Variants in SYNJ2BP observed in about 807,000 individuals in gnomAD.
SYNJ2BP encodes the protein synaptojanin-2-binding protein.
In SYNJ2BP, 10 loss-of-function variants were observed where a neutral mutation model predicts 16.9. That is an observed-to-expected ratio of 0.59 (90% CI 0.36 to 1.00). The LOEUF (loss-of-function observed/expected upper bound fraction) is 1.00, where lower values mean the gene tolerates loss of function less well. Ranked by LOEUF, SYNJ2BP falls within the 50% of genes least tolerant of loss-of-function variation. The pLI, the probability that SYNJ2BP is intolerant of heterozygous loss-of-function variation, is 0.01. For synonymous variants in SYNJ2BP, 54 were observed against 68.4 expected (o/e 0.79, Z 1.04); for missense variants, 162 against 186.7 (o/e 0.87, Z 0.77).
rs1887394406 is a variant in SYNJ2BP, at chr14:70,366,684, G to A, written c.*6307C>T. 1 of 152,150 alleles carries A rather than the reference G, an allele frequency of 6.6e-6. No individual in the cohort carries two copies. Among genetic ancestry groups the A allele is most frequent in the Non-Finnish European group, 1.5e-5 (1 of 68,018 alleles). 9.4% of individuals were successfully genotyped at this position (152,150 alleles called of 1,614,324 possible). A position where few individuals can be genotyped will look rare whatever the true frequency, so the allele number is the denominator to read the frequency against. On this transcript the variant is annotated 3_prime_UTR_variant, in exon 4 of 4. Coordinates refer to ENST00000256366, the MANE Select transcript of SYNJ2BP (RefSeq NM_018373.3). ...CCCTGGATAATAAATACAGTTTTAT[G>A]TCCGTGTGTCTTCTGTGTCTTCCAA...
intron 1 of SYNJ2BP, among the ~76,000 whole-genome samples, chr14:70,389,087 T>C (rs1160169434): frequency 6.6e-6 from 1 of 152,056 alleles, no homozygotes; most frequent in African/African-American, 2.4e-5. Context: ...GGATTACAGG[T>C]GTGAGCCACC....
intron 1 of SYNJ2BP, among the ~76,000 whole-genome samples, chr14:70,398,464 G>A (rs1195840401): frequency 6.6e-6 from 1 of 152,226 alleles, no homozygotes; most frequent in East Asian, 1.9e-4. Context: ...GCTTGTTGGT[G>A]CCCAAAGTCC....
intron 2 of SYNJ2BP, among the ~76,000 whole-genome samples, chr14:70,384,610 T>G (rs946244118): frequency 6.6e-6 from 1 of 151,894 alleles, no homozygotes; most frequent in South Asian, 2.1e-4. Context: ...TGGTGGGAGG[T>G]GACTGGATCA....
chr14:70,391,861 A>T (rs1887987580), intron 1 of SYNJ2BP, among the ~76,000 whole-genome samples: 2 of 152,248 alleles, frequency 1.3e-5, no homozygotes, highest in African/African-American at 4.8e-5. Context: ...TAAATGAACC[A>T]AACTATTTAA....
chr14:70,391,198 T>C lies in SYNJ2BP; in HGVS notation c.65-2592A>G, dbSNP rs937428581. 3.5e-4 allele frequency among the ~76,000 whole-genome samples: 54 copies of C among 152,184 alleles called. 1 individual carries two copies. Among genetic ancestry groups the C allele is most frequent in the African/African-American group, 1.2e-3 (50 of 41,442 alleles). ...CTGCAGCTAGATAATAGAAAGAATT[T>C]ATTCTCTAAAATAATATACATAATA... is the stretch of plus-strand genomic sequence containing the variant. On this transcript the variant is annotated intron_variant, in intron 1 of 3. Coordinates refer to ENST00000256366, the MANE Select transcript of SYNJ2BP (RefSeq NM_018373.3).
Position 70,369,548 on chromosome 14 carries a change from C to A in SYNJ2BP, c.*3443G>T, listed in dbSNP as rs1887472629. 6.6e-6 allele frequency: 1 copy of A among 152,212 alleles called. No homozygotes were observed. The highest frequency in any genetic ancestry group is 1.5e-5 in the Non-Finnish European group (1 of 68,028). 9.4% of individuals were successfully genotyped at this position (152,212 alleles called of 1,614,324 possible). Reference sequence around the variant, plus strand: ...ATTCTATTATTACCACCTACATAATCCTAGTCAAGTAATTTTTTCTCTCAT... The same window carrying A: ...ATTCTATTATTACCACCTACATAATACTAGTCAAGTAATTTTTTCTCTCAT... On this transcript the variant is annotated 3_prime_UTR_variant, in exon 4 of 4. Coordinates refer to ENST00000256366, the MANE Select transcript of SYNJ2BP (RefSeq NM_018373.3).
intron 1 of SYNJ2BP, among the ~76,000 whole-genome samples, chr14:70,400,580 A>G (rs1416391234): frequency 1.3e-5 from 2 of 152,166 alleles, no homozygotes; most frequent in African/African-American, 4.8e-5. Flanking sequence ...TTTAAGATTA[A>G]CCTTTACAAA....
At chr14:70,386,387 G>A (rs1338745526) in intron 2 of SYNJ2BP, among the ~76,000 whole-genome samples, 1 of 152,222 alleles carries the variant, frequency 6.6e-6, no homozygotes, top group Non-Finnish European at 1.5e-5. Context: ...GGACTGAAGA[G>A]AGGCAGAATA....
At chr14:70,407,956 A>T (rs901284861) in intron 1 of SYNJ2BP, among the ~76,000 whole-genome samples, 1 of 152,236 alleles carries the variant, frequency 6.6e-6, no homozygotes, top group Non-Finnish European at 1.5e-5. Context: ...CTGTGCCAAT[A>T]TAGTACCTAG....
chr14:70,401,473 T>TG lies in SYNJ2BP; in HGVS notation c.65-12868dup, dbSNP rs927301041. ...AAAGTAATATTTAGGCTATCTTTTG[T>TG]GGGGGGGAAAGGACTTTCTGCTTTT... On this transcript the variant is annotated intron_variant, in intron 1 of 3. Coordinates refer to ENST00000256366, the MANE Select transcript of SYNJ2BP (RefSeq NM_018373.3). Among the ~76,000 whole-genome samples, 15 of 147,702 alleles carry TG rather than the reference T, an allele frequency of 1.0e-4. No homozygotes were observed. The South Asian group carries it at 1.1e-3, about 11-fold the overall frequency.
At chr14:70,383,585 C>T (rs10132815) in intron 2 of SYNJ2BP, among the ~76,000 whole-genome samples, 115,309 of 152,132 alleles carry the variant, frequency 0.76, 43,849 homozygotes, top group East Asian at 0.93. Flanking sequence ...TGACCAGCTA[C>T]GTCACCCTTA....
intron 1 of SYNJ2BP, among the ~76,000 whole-genome samples, chr14:70,399,299 C>T (rs1030781307): frequency 7.2e-5 from 11 of 152,338 alleles, no homozygotes; most frequent in Admixed American, 2.6e-4. Flanking sequence ...GCGCCCATCT[C>T]GGCCTCGCCC....
intron 1 of SYNJ2BP, among the ~76,000 whole-genome samples, chr14:70,394,458 CTT>C (rs533858770): frequency 3.5e-4 from 47 of 133,250 alleles, no homozygotes; most frequent in Admixed American, 3.0e-4. Context: ...TGGGATTCAA[CTT>C]TTTTTTTTTT....
Position 70,372,017 on chromosome 14 carries a change from T to C in SYNJ2BP, c.*974A>G, listed in dbSNP as rs1483759566. 1 of 152,224 alleles carries C rather than the reference T, an allele frequency of 6.6e-6. No individual in the cohort carries two copies. The highest frequency in any genetic ancestry group is 1.9e-4 in the East Asian group (1 of 5,204). The allele number at this position is 152,224 out of a possible 1,614,324, so 9.4% of individuals were successfully genotyped here. On this transcript the variant is annotated 3_prime_UTR_variant, in exon 4 of 4. Transcript: ENST00000256366. ...GATTTACCTTTACACCTCAAAGTTT[T>C]TTAGATGTGAGCAGCGCTGGATTAT...
At position 70,417,029 on chromosome 14, in the gene SYNJ2BP, A is replaced by G. The variant is rs533473756; in HGVS notation, c.-66T>C. The G allele has an allele frequency of 2.9e-5, 46 of 1,611,850 alleles. No individual in the cohort carries two copies. Among genetic ancestry groups the G allele is most frequent in the South Asian group, 1.5e-4 (14 of 90,706 alleles). The stretch of plus-strand genomic sequence containing the variant: ...GTGCAGCACAGGTGAAGGTGAATCA[A>G]TCTCGGCGCTGCGCCCACAGCACAG... On this transcript the variant is annotated 5_prime_UTR_variant, in exon 1 of 4. Coordinates refer to ENST00000256366, the MANE Select transcript of SYNJ2BP (RefSeq NM_018373.3).
Position 70,380,473 on chromosome 14 carries a change from C to A in SYNJ2BP, c.202-4702G>T, listed in dbSNP as rs1380686416. ...GGTCAGGAGTTCGAGACCACCCTGA[C>A]CAACATGGTGAAACCCCGTCTCTAC... On this transcript the variant is annotated intron_variant, in intron 2 of 3. Coordinates refer to ENST00000256366, the MANE Select transcript of SYNJ2BP (RefSeq NM_018373.3). Among the ~76,000 whole-genome samples the A allele has an allele frequency of 2.6e-5, 4 of 151,922 alleles. No individual in the cohort carries two copies. The East Asian group carries it at 7.7e-4, about 29-fold the overall frequency.
chr14:70,397,773 C>T (rs1888134065), intron 1 of SYNJ2BP, among the ~76,000 whole-genome samples: 1 of 152,208 alleles, frequency 6.6e-6, no homozygotes, highest in Non-Finnish European at 1.5e-5. Flanking sequence ...AGGGGCATGT[C>T]TCAGCCCTGA....
intron 1 of SYNJ2BP, among the ~76,000 whole-genome samples, chr14:70,407,412 A>G (rs1315127366): frequency 6.7e-6 from 1 of 149,698 alleles, no homozygotes; most frequent in Non-Finnish European, 1.5e-5. Flanking sequence ...CCTGGGCAAC[A>G]GAGCGAGACT....
At position 70,372,972 on chromosome 14, in the gene SYNJ2BP, T is replaced by C. The variant is rs202186250; in HGVS notation, c.*19A>G. The C allele has an allele frequency of 6.1e-5, 98 of 1,613,626 alleles. 1 individual carries two copies. The African/African-American group carries it at 9.1e-4, about 15-fold the overall frequency. The stretch of plus-strand genomic sequence containing the variant: ...GTGAAATGTATCTTCATTGGGAGTA[T>C]TGAAAGAGAGCAAGTTTTTCAAAGT... On this transcript the variant is annotated 3_prime_UTR_variant, in exon 4 of 4. Coordinates refer to ENST00000256366, the MANE Select transcript of SYNJ2BP (RefSeq NM_018373.3).
Sources: allele counts gnomAD v4.1 joint callset (sites outside exome capture counted in the v4.1 genomes callset), GRCh38; gene constraint gnomAD v4.1.1; transcripts MANE v1.5; gene names NCBI Gene and HGNC (gene_info 2026-07-23, HGNC 2026-07-21).